Variants in GNAI1 observed in about 807,000 individuals in gnomAD.
GNAI1 encodes the protein guanine nucleotide-binding protein G(i) subunit alpha-1.
GNAI1 carries 11 observed loss-of-function variants against 38.9 expected under a neutral mutation model. That is an observed-to-expected ratio of 0.28 (90% CI 0.18 to 0.47). The LOEUF is 0.47. Ranked by LOEUF, GNAI1 falls within the 20% of genes least tolerant of loss-of-function variation. The pLI, the probability that GNAI1 is intolerant of heterozygous loss-of-function variation, is 0.99. For synonymous variants in GNAI1, 166 were observed against 145.1 expected, an observed-to-expected ratio of 1.14 and a Z score of -1.04; for missense variants, 317 against 436.9, an observed-to-expected ratio of 0.73 and a Z score of 2.45.
In GNAI1 at chr7:80,221,389, A is replaced by G. The variant is rs1023044700; in HGVS notation, c.*3896A>G. Among the ~76,000 whole-genome samples, 18 of 152,246 alleles carry G rather than the reference A, an allele frequency of 1.2e-4. No individual in the cohort carries two copies. The highest frequency in any genetic ancestry group is 7.2e-4 in the Admixed American group (11 of 15,278). Reference sequence around the variant, plus strand: ...ATTTGCTGTTATTTGATTATAAATAATAGTTTTAAGGTGCCTTTAAAATCA... The same window carrying G: ...ATTTGCTGTTATTTGATTATAAATAGTAGTTTTAAGGTGCCTTTAAAATCA... On this transcript the variant is annotated 3_prime_UTR_variant, in exon 8 of 8. Transcript: ENST00000649796.
At chr7:80,156,033 ACT>A (rs1178142589) in intron 1 of GNAI1, among the ~76,000 whole-genome samples, 14 of 134,402 alleles carry the variant, frequency 1.0e-4, no homozygotes, top group African/African-American at 4.2e-4. Context: ...ACAGAGCAAG[ACT>A]CTGTCTCAAA....
At chr7:80,178,050 T>TA (rs1425958973) in intron 1 of GNAI1, among the ~76,000 whole-genome samples, 1 of 152,222 alleles carries the variant, frequency 6.6e-6, no homozygotes, top group African/African-American at 2.4e-5. Context: ...GGGTTGATTC[T>TA]AACCCTCATG....
intron 3 of GNAI1, among the ~76,000 whole-genome samples, chr7:80,190,990 T>C (rs1788470150): frequency 6.6e-6 from 1 of 152,190 alleles, no homozygotes; most frequent in Non-Finnish European, 1.5e-5. Context: ...CTTTGGAATC[T>C]TATGTGGGCC....
chr7:80,202,597 T>C (rs2115680308), intron 4 of GNAI1, among the ~76,000 whole-genome samples: 1 of 152,344 alleles, frequency 6.6e-6, no homozygotes, highest in East Asian at 1.9e-4. Context: ...TAAGATTCTC[T>C]TAAATTCAGT....
intron 4 of GNAI1, among the ~76,000 whole-genome samples, chr7:80,202,105 T>C (rs1160854432): frequency 6.6e-6 from 1 of 152,178 alleles, no homozygotes; most frequent in Non-Finnish European, 1.5e-5. Context: ...TTTTTTTGTT[T>C]TTTGAGATGG....
At chr7:80,204,395 T>C (rs889569569) in intron 5 of GNAI1, among the ~76,000 whole-genome samples, 2 of 152,088 alleles carry the variant, frequency 1.3e-5, no homozygotes, top group Non-Finnish European at 2.9e-5. Flanking sequence ...ATCGTAGTCT[T>C]TAGAAATGCA....
At chr7:80,178,495 A>G (rs924783743) in intron 1 of GNAI1, among the ~76,000 whole-genome samples, 2 of 152,222 alleles carry the variant, frequency 1.3e-5, no homozygotes, top group Non-Finnish European at 2.9e-5. Flanking sequence ...GCCACCCTCA[A>G]CTTTCACCAA....
intron 7 of GNAI1, among the ~76,000 whole-genome samples, chr7:80,215,034 T>C (rs1243630771): frequency 1.3e-5 from 2 of 152,164 alleles, no homozygotes; most frequent in African/African-American, 4.8e-5. Flanking sequence ...CTCTTTTTCT[T>C]GTTTACACTC....
chr7:80,221,797 T>C lies in GNAI1; in HGVS notation c.*4304T>C, dbSNP rs1218455501. ...AGCTGGGATTACAGGCATGCGCCAC[T>C]ACACCCAGCTAATTTTTGTATTTTT... On this transcript the variant is annotated 3_prime_UTR_variant, in exon 8 of 8. Coordinates refer to ENST00000649796, the MANE Select transcript of GNAI1 (RefSeq NM_002069.6). Among the ~76,000 whole-genome samples, 5 of 151,790 alleles carry C rather than the reference T, an allele frequency of 3.3e-5. No homozygotes were observed. The highest frequency in any genetic ancestry group is 1.2e-4 in the African/African-American group (5 of 41,358).
chr7:80,215,980 A>T (rs1224345365), intron 7 of GNAI1, among the ~76,000 whole-genome samples: 1 of 152,168 alleles, frequency 6.6e-6, no homozygotes, highest in Non-Finnish European at 1.5e-5. Context: ...TCTCAGAATG[A>T]TGGCACTGCA....
chr7:80,202,508 G>A (rs940547531), intron 4 of GNAI1, among the ~76,000 whole-genome samples: 8 of 151,814 alleles, frequency 5.3e-5, no homozygotes, highest in Admixed American at 1.3e-4. Context: ...TTGTTAAGTC[G>A]GATTTTCTTA....
At chr7:80,166,289 T>C (rs1788008470) in intron 1 of GNAI1, among the ~76,000 whole-genome samples, 1 of 152,164 alleles carries the variant, frequency 6.6e-6, no homozygotes, top group Admixed American at 6.5e-5. Context: ...GGTAGAAACA[T>C]GTAATTGTGA....
chr7:80,159,635 C>T (rs1433398764), intron 1 of GNAI1, among the ~76,000 whole-genome samples: 1 of 152,176 alleles, frequency 6.6e-6, no homozygotes, highest in African/African-American at 2.4e-5. Context: ...ACATTCAGCA[C>T]AACACTAACA....
chr7:80,162,904 T>G (rs1457774205), intron 1 of GNAI1, among the ~76,000 whole-genome samples: 1 of 152,230 alleles, frequency 6.6e-6, no homozygotes, highest in Non-Finnish European at 1.5e-5. Context: ...ATTGATAGGT[T>G]TCTGCTCTGC....
At chr7:80,196,860 A>G (rs112248528) in intron 3 of GNAI1, among the ~76,000 whole-genome samples, 2 of 152,002 alleles carry the variant, frequency 1.3e-5, no homozygotes, top group Non-Finnish European at 2.9e-5. Flanking sequence ...TATAGATAGT[A>G]AAATTGTTAC....
chr7:80,167,298 G>A (rs760557288), intron 1 of GNAI1, among the ~76,000 whole-genome samples: 10 of 152,176 alleles, frequency 6.6e-5, no homozygotes, highest in African/African-American at 1.2e-4. Context: ...CATTTGTAGC[G>A]TCTGTAGTAT....
chr7:80,175,553 C>CTTTT (rs564032256), intron 1 of GNAI1, among the ~76,000 whole-genome samples: 8 of 132,164 alleles, frequency 6.1e-5, no homozygotes, highest in African/African-American at 8.3e-5. Context: ...CAGATACTGC[C>CTTTT]TTTTTTTTTT....
intron 1 of GNAI1, 77 bp downstream of exon 1, chr7:80,135,355 A>G (rs1183749794): frequency 1.2e-5 from 10 of 860,640 alleles, no homozygotes; most frequent in Non-Finnish European, 1.5e-5. Context: ...GCGTTTGGAA[A>G]CCCGGAGGGA....
intron 4 of GNAI1, among the ~76,000 whole-genome samples, chr7:80,201,958 T>C (rs1260326723): frequency 2.0e-5 from 3 of 152,180 alleles, no homozygotes; most frequent in African/African-American, 7.2e-5. Context: ...TAGCCACCAA[T>C]TCACACTTTA....
Sources: gnomAD v4.1 joint callset for allele counts (sites outside exome capture counted in the v4.1 genomes callset) on GRCh38, gnomAD v4.1.1 for gene constraint, MANE v1.5 for transcripts, NCBI Gene and HGNC (gene_info 2026-07-23, HGNC 2026-07-21) for gene names.